The following ZHX2 variants were observed in gnomAD, a reference collection of about 807,000 sequenced individuals.
ZHX2 encodes zinc fingers and homeoboxes protein 2.
In ZHX2, 6 loss-of-function variants were observed where a neutral mutation model predicts 21.9. That is an observed-to-expected ratio of 0.27 (90% CI 0.15 to 0.54). The LOEUF is 0.54. Among genes scored for constraint, ZHX2 ranks in the 20% least tolerant of loss-of-function variants. The pLI is 0.95. For missense variants in ZHX2, 908 were observed against 1,090.7 expected, an observed-to-expected ratio of 0.83 and a Z score of 2.36; for synonymous variants, 434 against 437.1, an observed-to-expected ratio of 0.99 and a Z score of 0.09.
intron 1 of ZHX2, among the ~76,000 whole-genome samples, chr8:122,826,779 CAA>C (rs960469103): frequency 2.6e-5 from 4 of 152,126 alleles, no homozygotes; most frequent in African/African-American, 9.7e-5. Flanking sequence ...ATTTTTCAGG[CAA>C]GAGAGAGAGA....
chr8:122,852,445 G>A (rs959565309), intron 1 of ZHX2, among the ~76,000 whole-genome samples: 10 of 151,792 alleles, frequency 6.6e-5, no homozygotes, highest in South Asian at 4.2e-4. Context: ...TACTAACACC[G>A]TGTAATAGTA....
intron 1 of ZHX2, among the ~76,000 whole-genome samples, chr8:122,851,291 A>T (rs1475428085): frequency 4.6e-5 from 7 of 152,228 alleles, no homozygotes; most frequent in Non-Finnish European, 8.8e-5. Context: ...GGTACTATTT[A>T]CTAAGCTGTG....
Position 122,864,883 on chromosome 8 carries a change from C to A in ZHX2, c.-220+1344C>A, listed in dbSNP as rs961119851. ...TAATGAGCACACGGGTTCCTTTGTG[C>A]TTTGTAACTGGGTCTTCTTCCCCTG... is the stretch of plus-strand genomic sequence containing the variant. On this transcript the variant is annotated intron_variant, in intron 2 of 3. Transcript: ENST00000314393. 1.1e-4 allele frequency among the ~76,000 whole-genome samples: 16 copies of A among 152,286 alleles called. 1 individual carries two copies. The highest frequency in any genetic ancestry group is 1.0e-3 in the Admixed American group (16 of 15,304).
intron 1 of ZHX2, among the ~76,000 whole-genome samples, chr8:122,788,847 G>A (rs554036817): frequency 2.6e-4 from 40 of 152,290 alleles, no homozygotes; most frequent in Non-Finnish European, 5.1e-4. Context: ...GAGTGTGTGT[G>A]CACGTGTGCG....
chr8:122,943,772 T>A (rs1162259756), intron 2 of ZHX2, among the ~76,000 whole-genome samples: 1 of 152,182 alleles, frequency 6.6e-6, no homozygotes, highest in Non-Finnish European at 1.5e-5. Flanking sequence ...GGTTTGTTCT[T>A]CATTGATGTG....
At chr8:122,964,546 G>T (rs139508342) in intron 3 of ZHX2, among the ~76,000 whole-genome samples, 1,990 of 152,186 alleles carry the variant, frequency 0.013, 21 homozygotes, top group Non-Finnish European at 0.02. Context: ...CAGTTAGCTA[G>T]TATTTTGTTA....
intron 2 of ZHX2, among the ~76,000 whole-genome samples, chr8:122,897,770 C>T (rs988599967): frequency 6.6e-6 from 1 of 152,128 alleles, no homozygotes. Context: ...GCCTCATGCC[C>T]AGTCAACTCT....
chr8:122,810,313 G>A (rs1398427121), intron 1 of ZHX2: 1 of 152,188 alleles, frequency 6.6e-6, no homozygotes, highest in Non-Finnish European at 1.5e-5. Context: ...CTTGTTTTGA[G>A]TATTAAATGC....
rs553243676 is a variant in ZHX2, at chr8:122,891,139, G to A, written c.-220+27600G>A. Among the ~76,000 whole-genome samples, 14 of 152,152 alleles carry A rather than the reference G, an allele frequency of 9.2e-5. No individual in the cohort carries two copies. The South Asian group carries it at 2.9e-3, about 32-fold the overall frequency. Reference sequence around the variant, plus strand: ...AATTGGTGTTAGTTCTTCTTTAACAGTTTTGTAGAATTCAGCAATGAAACC... The same window carrying A: ...AATTGGTGTTAGTTCTTCTTTAACAATTTTGTAGAATTCAGCAATGAAACC... On this transcript the variant is annotated intron_variant, in intron 2 of 3. Transcript: ENST00000314393.
At chr8:122,824,431 C>T (rs1480501795) in intron 1 of ZHX2, among the ~76,000 whole-genome samples, 2 of 152,170 alleles carry the variant, frequency 1.3e-5, no homozygotes, top group Non-Finnish European at 2.9e-5. Flanking sequence ...TCACCCACAG[C>T]CCATAGAACT....
chr8:122,839,746 C>T (rs969899728), intron 1 of ZHX2, among the ~76,000 whole-genome samples: 4 of 152,070 alleles, frequency 2.6e-5, no homozygotes, highest in South Asian at 2.1e-4. Flanking sequence ...GTTTTTGCTT[C>T]GGGCTGCAAT....
chr8:122,884,582 A>G (rs1183301598), intron 2 of ZHX2, among the ~76,000 whole-genome samples: 2 of 152,206 alleles, frequency 1.3e-5, no homozygotes, highest in African/African-American at 2.4e-5. Context: ...TCTTGGGTCA[A>G]TCAGGTAGAA....
At chr8:122,808,633 G>C (rs1031338967) in intron 1 of ZHX2, 2 of 152,214 alleles carry the variant, frequency 1.3e-5, no homozygotes, top group Admixed American at 6.5e-5. Flanking sequence ...CAAATAGTAA[G>C]TAATAATAGC....
intron 2 of ZHX2, among the ~76,000 whole-genome samples, chr8:122,915,344 C>T (rs1288894396): frequency 2.0e-5 from 3 of 152,202 alleles, no homozygotes; most frequent in Non-Finnish European, 4.4e-5. Context: ...CCCTTTATCC[C>T]ATCCTGCAGC....
intron 3 of ZHX2, among the ~76,000 whole-genome samples, chr8:122,967,406 G>T (rs969661195): frequency 2.6e-5 from 4 of 152,150 alleles, no homozygotes; most frequent in Admixed American, 2.6e-4. Context: ...GACTGCAGTG[G>T]TAATTATTGC....
chr8:122,951,225 A>C, intron 2 of ZHX2, 67 bp from the exon 3 acceptor site: 1 of 368,014 alleles, frequency 2.7e-6, no homozygotes, highest in South Asian at 4.0e-5. Context: ...GGGAAAACTC[A>C]TAAAGAAGTG....
intron 3 of ZHX2, among the ~76,000 whole-genome samples, chr8:122,955,797 T>A (rs1238405304): frequency 6.7e-6 from 1 of 149,868 alleles, no homozygotes; most frequent in Non-Finnish European, 1.5e-5. Context: ...TAGAAGAACC[T>A]ACCAGTCTAG....
chr8:122,921,059 GT>G (rs151107606), intron 2 of ZHX2, among the ~76,000 whole-genome samples: 4 of 150,924 alleles, frequency 2.7e-5, no homozygotes, highest in East Asian at 1.9e-4. Flanking sequence ...GGAAGGACAT[GT>G]TTTTTTTTGG....
chr8:122,837,760 A>T (rs1458241277), intron 1 of ZHX2, among the ~76,000 whole-genome samples: 2 of 152,228 alleles, frequency 1.3e-5, no homozygotes, highest in Non-Finnish European at 2.9e-5. Context: ...TACAGAATGC[A>T]GCATTCACAC....
Sources: gnomAD v4.1 joint callset for allele counts (sites outside exome capture counted in the v4.1 genomes callset) on GRCh38, gnomAD v4.1.1 for gene constraint, MANE v1.5 for transcripts, NCBI Gene and HGNC (gene_info 2026-07-23, HGNC 2026-07-21) for gene names.